The following RNF144B variants were observed in gnomAD, a reference collection of about 807,000 sequenced individuals.
RNF144B encodes ring finger protein 144B, also known as E3 ubiquitin-protein ligase RNF144B.
RNF144B carries 25 observed loss-of-function variants against 40.2 expected under a neutral mutation model. That is an observed-to-expected ratio of 0.62 (90% CI 0.45 to 0.87). The LOEUF is 0.87. Ranked by LOEUF, RNF144B falls within the 40% of genes least tolerant of loss-of-function variation. RNF144B has a pLI of 0.00. For synonymous variants in RNF144B, 145 were observed against 136.3 expected, an observed-to-expected ratio of 1.06 and a Z score of -0.44; for missense variants, 365 against 373.7, an observed-to-expected ratio of 0.98 and a Z score of 0.19.
Position 18,444,971 on chromosome 6 carries a change from T to C in RNF144B, c.331+5227T>C, listed in dbSNP as rs963679761. ...CCACCCCAGCTTTTGTATCTGATCA[T>C]AAAGGTTTTATTCCATCAGAGCTCC... On this transcript the variant is annotated intron_variant, in intron 4 of 7. Transcript: ENST00000259939. The surrounding 1 kb of genome is among the most constrained non-coding windows in gnomAD (Gnocchi z 4.3). 4.6e-5 allele frequency among the ~76,000 whole-genome samples: 7 copies of C among 152,198 alleles called. No individual in the cohort carries two copies. The highest frequency in any genetic ancestry group is 8.8e-5 in the Non-Finnish European group (6 of 68,022).
Position 18,463,287 on chromosome 6 carries a change from TC to T in RNF144B, c.682-3del, listed in dbSNP as rs1198058226. On this transcript the variant is annotated splice_polypyrimidine_tract_variant and splice_region_variant and intron_variant, in intron 6 of 7. Transcript: ENST00000259939. ...TTACTGAAATCAATCTTTTTATTTT[TC>T]AGAATGACATTTTCCTCAGACATTA... is the stretch of plus-strand genomic sequence containing the variant. 63 of 1,572,546 alleles carry T rather than the reference TC, an allele frequency of 4.0e-5. No homozygotes were observed. The Admixed American group carries it at 9.2e-4, about 23-fold the overall frequency.
intron 3 of RNF144B, 31 bp from the exon 4 acceptor site, chr6:18,439,653 A>C: frequency 6.5e-7 from 1 of 1,546,766 alleles, no homozygotes; most frequent in Non-Finnish European, 8.9e-7. Context: ...ATGATGACTG[A>C]AGTCTCAACC....
chr6:18,387,720 T>C (rs1280401924), intron 1 of RNF144B, 90 bp downstream of exon 1: 3 of 1,119,960 alleles, frequency 2.7e-6, no homozygotes, highest in Non-Finnish European at 3.5e-6. Flanking sequence ...AAACTCACTG[T>C]GACACCACAA....
rs539547642 is a variant in RNF144B, at chr6:18,431,715, C to T, written c.270+4030C>T. Among the ~76,000 whole-genome samples, 142 of 152,348 alleles carry T rather than the reference C, an allele frequency of 9.3e-4. 2 individuals carry two copies. Among genetic ancestry groups the T allele is most frequent in the African/African-American group, 2.9e-3 (120 of 41,580 alleles). ...ATTTATATTACAACACGTGATTCTT[C>T]ATTCTTCTCTGTCTTACCAAATGCA... On this transcript the variant is annotated intron_variant, in intron 3 of 7. Transcript: ENST00000259939.
chr6:18,408,622 G>A (rs1052458094), intron 2 of RNF144B, among the ~76,000 whole-genome samples: 1 of 152,116 alleles, frequency 6.6e-6, no homozygotes, highest in Non-Finnish European at 1.5e-5. Context: ...TTGCTACAGG[G>A]ATATAAAGGT....
At chr6:18,426,679 T>G (rs750021671) in intron 2 of RNF144B, among the ~76,000 whole-genome samples, 1 of 151,314 alleles carries the variant, frequency 6.6e-6, no homozygotes, top group Non-Finnish European at 1.5e-5. Context: ...TCTTCTCTGG[T>G]TTTCTTTTTT....
At chr6:18,411,497 A>ATT (rs1197413176) in intron 2 of RNF144B, among the ~76,000 whole-genome samples, 19 of 29,784 alleles carry the variant, frequency 6.4e-4, no homozygotes, top group African/African-American at 2.5e-3. Flanking sequence ...ATATATATAT[A>ATT]TTTTTTTTTT....
intron 2 of RNF144B, among the ~76,000 whole-genome samples, chr6:18,421,297 CACACACACACACACACACAT>C (rs1423573378): frequency 2.9e-5 from 4 of 136,076 alleles, no homozygotes; most frequent in Non-Finnish European, 6.2e-5. Flanking sequence ...CACACACACA[CACACACACACACACACACAT>C]ATATATAAAA....
intron 4 of RNF144B, among the ~76,000 whole-genome samples, chr6:18,452,348 C>T (rs922783878): frequency 1.3e-5 from 2 of 152,072 alleles, no homozygotes; most frequent in South Asian, 4.1e-4. Flanking sequence ...TGTGCTCCTT[C>T]CCCCAAATTA....
chr6:18,445,524 G>A (rs1274323037), intron 4 of RNF144B, among the ~76,000 whole-genome samples: 1 of 152,060 alleles, frequency 6.6e-6, no homozygotes, highest in Non-Finnish European at 1.5e-5. Context: ...CATAGCTGTG[G>A]GGCTTTGCTT....
At chr6:18,438,746 A>C (rs1306827218) in intron 3 of RNF144B, among the ~76,000 whole-genome samples, 1 of 152,116 alleles carries the variant, frequency 6.6e-6, no homozygotes, top group African/African-American at 2.4e-5. Context: ...GTGCCAAAAA[A>C]AGGTGATAGT....
intron 4 of RNF144B, among the ~76,000 whole-genome samples, chr6:18,440,574 TC>T (rs1758935472): frequency 6.6e-6 from 1 of 152,116 alleles, no homozygotes; most frequent in African/African-American, 2.4e-5. Context: ...TATTTATTTG[TC>T]ATGTGCCAAT....
intron 3 of RNF144B, among the ~76,000 whole-genome samples, chr6:18,428,801 G>C (rs1442925338): frequency 6.6e-6 from 1 of 152,124 alleles, no homozygotes; most frequent in Non-Finnish European, 1.5e-5. Flanking sequence ...AGGCCCAGAA[G>C]GTTTAAGTAA....
chr6:18,427,534 G>A, intron 2 of RNF144B, 47 bp from the exon 3 acceptor site: 1 of 1,322,424 alleles, frequency 7.6e-7, no homozygotes, highest in South Asian at 1.2e-5. Flanking sequence ...TAACCTTTCT[G>A]CTACTGTAAT....
chr6:18,432,557 G>A (rs889858745), intron 3 of RNF144B, among the ~76,000 whole-genome samples: 2 of 152,202 alleles, frequency 1.3e-5, no homozygotes, highest in East Asian at 3.9e-4. Flanking sequence ...TACTTCAGGC[G>A]AAGCCCTTGC....
At position 18,434,483 on chromosome 6, in the gene RNF144B, G is replaced by A. The variant is rs1390791202; in HGVS notation, c.271-5201G>A. 6.6e-6 allele frequency among the ~76,000 whole-genome samples: 1 copy of A among 152,128 alleles called. No homozygotes were observed. Among genetic ancestry groups the A allele is most frequent in the Admixed American group, 6.5e-5 (1 of 15,274 alleles). On this transcript the variant is annotated intron_variant, in intron 3 of 7. Coordinates refer to ENST00000259939, the MANE Select transcript of RNF144B (RefSeq NM_182757.4). This position sits in a 1 kb window ranked among gnomAD's most constrained non-coding sequence, Gnocchi z 4.1. Reference sequence around the variant, plus strand: ...CATTTCTTCTTGGTTGTGGACGTTAGAGAGATTAAATCACAGTTGTGTGTA... The same window carrying A: ...CATTTCTTCTTGGTTGTGGACGTTAAAGAGATTAAATCACAGTTGTGTGTA...
intron 3 of RNF144B, among the ~76,000 whole-genome samples, chr6:18,430,423 T>C (rs976541113): frequency 2.0e-5 from 3 of 152,228 alleles, no homozygotes; most frequent in African/African-American, 7.2e-5. Context: ...AGTGTCTGTC[T>C]TGCAGTTCTC....
intron 1 of RNF144B, among the ~76,000 whole-genome samples, chr6:18,391,335 G>A (rs1794574588): frequency 6.6e-6 from 1 of 152,188 alleles, no homozygotes; most frequent in Non-Finnish European, 1.5e-5. Context: ...ATTGTGGGAG[G>A]CAGGGAACCA....
At chr6:18,409,132 C>G (rs1298094917) in intron 2 of RNF144B, among the ~76,000 whole-genome samples, 2 of 151,872 alleles carry the variant, frequency 1.3e-5, no homozygotes, top group Non-Finnish European at 1.5e-5. Context: ...GTCTCATGCA[C>G]TTTGGGAGGC....
Sources: allele counts gnomAD v4.1 joint callset (sites outside exome capture counted in the v4.1 genomes callset), GRCh38; gene constraint gnomAD v4.1.1; non-coding constraint Gnocchi (gnomAD v3.1); transcripts MANE v1.5; gene names NCBI Gene and HGNC (gene_info 2026-07-23, HGNC 2026-07-21).